Variants in HACD3 observed in about 807,000 individuals in gnomAD.
HACD3 encodes very-long-chain (3R)-3-hydroxyacyl-CoA dehydratase 3.
In HACD3, 30 loss-of-function variants were observed where a neutral mutation model predicts 55.2. The observed-to-expected ratio is 0.54, with a 90% CI of 0.41 to 0.74. The LOEUF is 0.74. HACD3 is among the 30% of genes least tolerant of loss of function. The probability of loss-of-function intolerance (pLI) is 0.00; values close to 1 mark genes in which losing one functional copy is unlikely to be tolerated. For synonymous variants in HACD3, 141 were observed against 151.7 expected, an observed-to-expected ratio of 0.93 and a Z score of 0.52; for missense variants, 363 against 440.1, an observed-to-expected ratio of 0.82 and a Z score of 1.57.
At chr15:65,545,606 G>T (rs2141209373) in intron 1 of HACD3, among the ~76,000 whole-genome samples, 1 of 113,806 alleles carries the variant, frequency 8.8e-6, no homozygotes, top group South Asian at 3.4e-4. Flanking sequence ...ACCAGGCCCG[G>T]CTAATTTTTT....
At chr15:65,549,250 G>T (rs1209434620) in intron 1 of HACD3, among the ~76,000 whole-genome samples, 1 of 152,094 alleles carries the variant, frequency 6.6e-6, no homozygotes, top group Non-Finnish European at 1.5e-5. Context: ...AAGTGAACTT[G>T]AACTTTGGTT....
At chr15:65,553,514 A>G (rs1268059638) in intron 2 of HACD3, among the ~76,000 whole-genome samples, 1 of 152,212 alleles carries the variant, frequency 6.6e-6, no homozygotes, top group Non-Finnish European at 1.5e-5. Flanking sequence ...TTATTGGAGC[A>G]TAAAGAGTTT....
At chr15:65,551,957 A>AG (rs967628231) in intron 2 of HACD3, 6 of 423,746 alleles carry the variant, frequency 1.4e-5, no homozygotes, top group African/African-American at 1.2e-4. Flanking sequence ...AAAAAAAAAA[A>AG]GAATCCTGGG....
At chr15:65,550,185 C>T (rs923898569) in intron 1 of HACD3, among the ~76,000 whole-genome samples, 8 of 152,094 alleles carry the variant, frequency 5.3e-5, no homozygotes, top group Admixed American at 1.3e-4. Flanking sequence ...GTCAGGAGTT[C>T]AAGACTAGCC....
intron 2 of HACD3, among the ~76,000 whole-genome samples, chr15:65,552,413 G>A (rs2072142842): frequency 6.6e-6 from 1 of 152,186 alleles, no homozygotes; most frequent in Non-Finnish European, 1.5e-5. Context: ...TCGGCTCACT[G>A]CAACCTCCGC....
intron 9 of HACD3, 99 bp from the exon 10 acceptor site, chr15:65,572,136 C>T: frequency 1.4e-6 from 2 of 1,477,820 alleles, no homozygotes; most frequent in South Asian, 1.2e-5. Context: ...CTTTCCAGCA[C>T]ACCCAGAACT....
intron 7 of HACD3, chr15:65,564,994 C>G (rs2072277937): frequency 6.6e-6 from 1 of 152,150 alleles, no homozygotes; most frequent in African/African-American, 2.4e-5. Flanking sequence ...TACAGCCGTT[C>G]CAAATGGGAG....
At chr15:65,569,955 G>C in intron 7 of HACD3, 136 bp from the exon 8 acceptor site, 1 of 524,788 alleles carries the variant, frequency 1.9e-6, no homozygotes, top group African/African-American at 1.9e-5. Context: ...TCCAGAACTG[G>C]AGCAGGATTA....
chr15:65,574,872 A>G (rs1328591214), intron 10 of HACD3, among the ~76,000 whole-genome samples: 1 of 152,252 alleles, frequency 6.6e-6, no homozygotes, highest in Non-Finnish European at 1.5e-5. Context: ...GTATAAATTC[A>G]GTATAACTAG....
intron 3 of HACD3, among the ~76,000 whole-genome samples, chr15:65,555,350 G>T (rs2072178884): frequency 6.6e-6 from 1 of 152,176 alleles, no homozygotes; most frequent in African/African-American, 2.4e-5. Flanking sequence ...CCCCCACCAG[G>T]GGTTACTTTC....
At chr15:65,548,151 T>C (rs2141210896) in intron 1 of HACD3, among the ~76,000 whole-genome samples, 1 of 152,200 alleles carries the variant, frequency 6.6e-6, no homozygotes, top group Admixed American at 6.5e-5. Flanking sequence ...GTTGCCAGGG[T>C]CTGTGTGTGC....
In HACD3 at chr15:65,570,114, G is replaced by A; in HGVS notation, c.684G>A (p.Leu228=). The change falls in exon 8 of 11, where the codon TTG becomes TTA. Residue 228 remains leucine, a synonymous_variant. Coordinates refer to ENST00000261875, the MANE Select transcript of HACD3 (RefSeq NM_016395.4). ...LIQLLGRNFI[L]FIIFGTMEEM... Reference sequence around the variant, plus strand: ...AGCTTCTTGGAAGAAATTTTATTTTGTTTATCATCTTTGGCACCATGGAAG... The same window carrying A: ...AGCTTCTTGGAAGAAATTTTATTTTATTTATCATCTTTGGCACCATGGAAG... 1 of 1,608,828 alleles carries A rather than the reference G, an allele frequency of 6.2e-7. No individual in the cohort carries two copies. Among genetic ancestry groups the A allele is most frequent in the Admixed American group, 1.7e-5 (1 of 59,476 alleles).
intron 1 of HACD3, among the ~76,000 whole-genome samples, chr15:65,532,258 AAAAC>A (rs1435580581): frequency 1.3e-5 from 2 of 152,106 alleles, no homozygotes; most frequent in African/African-American, 4.8e-5. Flanking sequence ...AGAATAGGAA[AAAAC>A]AAACAAAATC....
At chr15:65,537,426 A>C (rs1363183006) in intron 1 of HACD3, among the ~76,000 whole-genome samples, 1 of 152,052 alleles carries the variant, frequency 6.6e-6, no homozygotes, top group Non-Finnish European at 1.5e-5. Context: ...GTTAGGGGCT[A>C]ATGCAGCTGG....
intron 1 of HACD3, among the ~76,000 whole-genome samples, chr15:65,537,955 AAAAATATATATATATATATATATATATAT>A (rs1290390842): frequency 2.2e-3 from 8 of 3,720 alleles, no homozygotes; most frequent in African/African-American, 4.4e-3. Context: ...AAAAAAAAAA[AAAAATATATATATATATATATATATATAT>A]ATATATATAT....
At chr15:65,564,556 C>A (rs113206482) in intron 7 of HACD3, 2 of 528,704 alleles carry the variant, frequency 3.8e-6, no homozygotes, top group South Asian at 2.7e-5. Flanking sequence ...TACGTGGTGG[C>A]GGCAAGAGAG....
At chr15:65,561,144 C>T (rs987965896) in intron 5 of HACD3, among the ~76,000 whole-genome samples, 2 of 151,958 alleles carry the variant, frequency 1.3e-5, no homozygotes, top group Admixed American at 6.6e-5. Context: ...AAAGAAATTC[C>T]AGAAAAGAAG....
At chr15:65,538,126 C>T (rs1596203896) in intron 1 of HACD3, among the ~76,000 whole-genome samples, 1 of 151,676 alleles carries the variant, frequency 6.6e-6, no homozygotes, top group African/African-American at 2.4e-5. Flanking sequence ...CCTTTTGCAG[C>T]CCATGGATCA....
chr15:65,563,180 C>G (rs560400953), intron 6 of HACD3, among the ~76,000 whole-genome samples: 3 of 152,192 alleles, frequency 2.0e-5, no homozygotes, highest in African/African-American at 7.2e-5. Context: ...TAAAAATGTT[C>G]ACTAACAACT....
Sources: allele counts gnomAD v4.1 joint callset (sites outside exome capture counted in the v4.1 genomes callset), GRCh38; gene constraint gnomAD v4.1.1; transcripts MANE v1.5; gene names NCBI Gene and HGNC (gene_info 2026-07-23, HGNC 2026-07-21).